The following SBF2 variants were observed in gnomAD, a reference collection of about 807,000 sequenced individuals.
SBF2 encodes the protein SET binding factor 2.
A neutral mutation model predicts 225.2 loss-of-function variants in SBF2; 112 were observed. That is an observed-to-expected ratio of 0.50 (90% CI 0.43 to 0.58). The LOEUF (loss-of-function observed/expected upper bound fraction) is 0.58, where lower values mean the gene tolerates loss of function less well. Ranked by LOEUF, SBF2 falls within the 20% of genes least tolerant of loss-of-function variation. SBF2 has a pLI of 0.00. For synonymous variants in SBF2, 763 were observed against 773.3 expected, an observed-to-expected ratio of 0.99 and a Z score of 0.22; for missense variants, 1,996 against 2,206.2, an observed-to-expected ratio of 0.90 and a Z score of 1.91.
At chr11:10,264,178 C>T (rs546122216) in intron 1 of SBF2, among the ~76,000 whole-genome samples, 12 of 152,132 alleles carry the variant, frequency 7.9e-5, no homozygotes, top group Non-Finnish European at 1.8e-4. Flanking sequence ...GGAAGGAATG[C>T]TCAGCAACCA....
At chr11:9,906,934 T>G (rs1214418284) in intron 16 of SBF2, among the ~76,000 whole-genome samples, 4 of 152,214 alleles carry the variant, frequency 2.6e-5, no homozygotes, top group African/African-American at 7.2e-5. Flanking sequence ...ACCTTTGAAC[T>G]GTTGTTGCCA....
chr11:9,923,859 G>T (rs1190338170), intron 16 of SBF2, among the ~76,000 whole-genome samples: 1 of 150,392 alleles, frequency 6.6e-6, no homozygotes, highest in African/African-American at 2.5e-5. Flanking sequence ...GGATTTCACT[G>T]AAGTATAAAG....
chr11:10,126,004 A>G (rs1369713667), intron 2 of SBF2, among the ~76,000 whole-genome samples: 1 of 152,214 alleles, frequency 6.6e-6, no homozygotes, highest in Non-Finnish European at 1.5e-5. Flanking sequence ...GGTACATTCT[A>G]TCCACATGAC....
At chr11:10,204,082 C>CA (rs542404171) in intron 1 of SBF2, among the ~76,000 whole-genome samples, 206 of 151,936 alleles carry the variant, frequency 1.4e-3, no homozygotes, top group African/African-American at 4.8e-3. Flanking sequence ...AAAGGCATAT[C>CA]ATAATAAATT....
At chr11:10,022,202 T>G (rs1264090865) in intron 6 of SBF2, among the ~76,000 whole-genome samples, 1 of 152,062 alleles carries the variant, frequency 6.6e-6, no homozygotes, top group Non-Finnish European at 1.5e-5. Context: ...ACAAGAATAA[T>G]AAGACATGTA....
intron 2 of SBF2, among the ~76,000 whole-genome samples, chr11:10,134,641 C>T (rs940411594): frequency 9.2e-5 from 14 of 152,174 alleles, no homozygotes; most frequent in Admixed American, 2.0e-4. Flanking sequence ...TGTGCAAGTC[C>T]GAAATCCAGC....
chr11:10,045,171 CTTTT>C (rs59755660), intron 2 of SBF2, among the ~76,000 whole-genome samples: 2 of 141,738 alleles, frequency 1.4e-5, no homozygotes, highest in Non-Finnish European at 1.5e-5. Flanking sequence ...TATTGCTTTT[CTTTT>C]TTTTTTTTTT....
At chr11:10,027,338 T>A (rs1305845696) in intron 6 of SBF2, among the ~76,000 whole-genome samples, 9 of 152,228 alleles carry the variant, frequency 5.9e-5, no homozygotes, top group Non-Finnish European at 5.9e-5. Context: ...ACTCTATTTA[T>A]ATTTATACTA....
chr11:10,042,008 T>A (rs915121949), intron 3 of SBF2, among the ~76,000 whole-genome samples: 5 of 152,144 alleles, frequency 3.3e-5, no homozygotes, highest in Non-Finnish European at 7.4e-5. Context: ...AAACAACTCA[T>A]GTAAAACTTA....
At chr11:9,865,831 T>A (rs535309628) in intron 17 of SBF2, among the ~76,000 whole-genome samples, 1 of 151,824 alleles carries the variant, frequency 6.6e-6, no homozygotes, top group Non-Finnish European at 1.5e-5. Context: ...GTTTGGCTTA[T>A]AGAGTCTTGT....
rs751913732 is a variant in SBF2, at chr11:9,983,739, G to A, written c.1395+5758C>T. ...ATCCACAGCTGAGAGACCCATAGAC[G>A]GTTCACATCACAGGACTCTGTGCAG... On this transcript the variant is annotated intron_variant, in intron 13 of 39. Coordinates refer to ENST00000256190, the MANE Select transcript of SBF2 (RefSeq NM_030962.4). Among the ~76,000 whole-genome samples the A allele has an allele frequency of 5.3e-5, 8 of 152,276 alleles. No homozygotes were observed. The East Asian group carries it at 7.7e-4, about 15-fold the overall frequency.
chr11:9,977,470 G>A (rs961557323), intron 13 of SBF2, among the ~76,000 whole-genome samples: 16 of 151,172 alleles, frequency 1.1e-4, no homozygotes, highest in Non-Finnish European at 2.1e-4. Context: ...CTGGGTGACA[G>A]GGCATGACCC....
At chr11:10,034,418 G>A (rs1949364658) in intron 3 of SBF2, among the ~76,000 whole-genome samples, 1 of 152,158 alleles carries the variant, frequency 6.6e-6, no homozygotes, top group Non-Finnish European at 1.5e-5. Context: ...CTGATTGCAC[G>A]CAATAACTTG....
At chr11:10,302,312 A>C (rs7949974) in intron 1 of SBF2, among the ~76,000 whole-genome samples, 15,208 of 152,342 alleles carry the variant, frequency 0.1, 915 homozygotes, top group Non-Finnish European at 0.11. Context: ...AAACCCACGA[A>C]GCTTTGGGGA....
intron 2 of SBF2, among the ~76,000 whole-genome samples, chr11:10,131,962 C>G (rs775105050): frequency 6.6e-6 from 1 of 152,156 alleles, no homozygotes; most frequent in Non-Finnish European, 1.5e-5. Flanking sequence ...TATGTTTTCT[C>G]CTAAAAGTTT....
intron 2 of SBF2, among the ~76,000 whole-genome samples, chr11:10,140,435 G>A (rs1021635638): frequency 3.0e-4 from 46 of 152,130 alleles, no homozygotes; most frequent in African/African-American, 1.1e-3. Context: ...CCCAAAGGAC[G>A]AGGTTTCAAG....
chr11:10,027,978 T>A (rs1277428418), intron 6 of SBF2, among the ~76,000 whole-genome samples: 1 of 152,218 alleles, frequency 6.6e-6, no homozygotes, highest in Non-Finnish European at 1.5e-5. Flanking sequence ...GGCACCATCA[T>A]AGCTCATTGC....
Position 9,806,898 on chromosome 11 carries a change from T to C in SBF2, c.4443+1102A>G, listed in dbSNP as rs1007068369. Among the ~76,000 whole-genome samples, 3 of 152,198 alleles carry C rather than the reference T, an allele frequency of 2.0e-5. No homozygotes were observed. In the East Asian group the frequency reaches 5.8e-4, roughly 29 times the overall value. ...AAATAGGTGAATTGTATGATATATA[T>C]AGTTCAATAAAGCTGTTATTTACAA... On this transcript the variant is annotated intron_variant, in intron 32 of 39. Coordinates refer to ENST00000256190, the MANE Select transcript of SBF2 (RefSeq NM_030962.4).
intron 2 of SBF2, among the ~76,000 whole-genome samples, chr11:10,123,907 T>C (rs1953605128): frequency 6.6e-6 from 1 of 152,184 alleles, no homozygotes; most frequent in African/African-American, 2.4e-5. Flanking sequence ...TGAGACGGTT[T>C]TCAGTATTTT....
Sources: allele counts gnomAD v4.1 joint callset (sites outside exome capture counted in the v4.1 genomes callset), GRCh38; gene constraint gnomAD v4.1.1; transcripts MANE v1.5; gene names NCBI Gene and HGNC (gene_info 2026-07-23, HGNC 2026-07-21).